Variants in NR2F1 observed in about 807,000 individuals in gnomAD.
NR2F1 encodes the protein nuclear receptor subfamily 2 group F member 1.
NR2F1 carries 1 observed loss-of-function variant against 37.7 expected under a neutral mutation model. That is an observed-to-expected ratio of 0.03 (90% CI 0.01 to 0.13). The LOEUF (loss-of-function observed/expected upper bound fraction) is 0.13. NR2F1 is among the 10% of genes least tolerant of loss of function. NR2F1 has a pLI of 1.00. For synonymous variants in NR2F1, 275 were observed against 259.6 expected, an observed-to-expected ratio of 1.06 and a Z score of -0.57; for missense variants, 268 against 578.4, an observed-to-expected ratio of 0.46 and a Z score of 5.50.
chr5:93,591,098 A>G (rs1409096055), intron 2 of NR2F1, among the ~76,000 whole-genome samples: 1 of 152,242 alleles, frequency 6.6e-6, no homozygotes, highest in African/African-American at 2.4e-5. Flanking sequence ...CATTCTCTGC[A>G]CTACAAAGGC....
Position 93,584,993 on chromosome 5 carries a change from G to A in NR2F1, c.-31G>A, listed in dbSNP as rs1277501130. On this transcript the variant is annotated 5_prime_UTR_variant, in exon 1 of 3. Coordinates refer to ENST00000327111, the MANE Select transcript of NR2F1 (RefSeq NM_005654.6). Reference sequence around the variant, plus strand: ...CCCGCGGCCCTCGGCGAGCAGCTCGGCTCCCCCCAGCGCTCCCCGGGCCCA... The same window carrying A: ...CCCGCGGCCCTCGGCGAGCAGCTCGACTCCCCCCAGCGCTCCCCGGGCCCA... The A allele has an allele frequency of 2.0e-6, 2 of 983,442 alleles. No individual in the cohort carries two copies. The highest frequency in any genetic ancestry group is 2.4e-6 in the Non-Finnish European group (2 of 827,958). The allele number at this position is 983,442 out of a possible 1,614,324, so 60.9% of individuals were successfully genotyped here.
Position 93,588,437 on chromosome 5 carries a change from C to G in NR2F1, c.984C>G (p.Phe328Leu), listed in dbSNP as rs1011650228. 1 of 1,598,216 alleles carries G rather than the reference C, an allele frequency of 6.3e-7. No homozygotes were observed. Among genetic ancestry groups the G allele is most frequent in the Non-Finnish European group, 8.6e-7 (1 of 1,169,334 alleles). ...EYSCLKAIVL[F>L]TSDACGLSDA... Reference sequence around the variant, plus strand: ...GCTGCCTCAAAGCCATCGTGCTGTTCACGTCAGGTGAGGCTGCGGTCGCGG... The same window carrying G: ...GCTGCCTCAAAGCCATCGTGCTGTTGACGTCAGGTGAGGCTGCGGTCGCGG... Residue 328 changes from phenylalanine to leucine, a missense_variant, in exon 2 of 3, where the codon TTC becomes TTG. This residue lies in a region of NR2F1 where 99 missense variants were observed against 191.9 expected (regional missense o/e 0.52). Transcript: ENST00000327111.
rs1289479014 is a variant in NR2F1 at position 93,594,257 on chromosome 5, G to A, written c.*415G>A. On this transcript the variant is annotated 3_prime_UTR_variant, in exon 3 of 3. Transcript: ENST00000327111. ...ACAACACATATGGAAGTGGACTGAAGCCTATGTAGAAACACACACACACTG... is the reference window on the plus strand; with the variant it reads ...ACAACACATATGGAAGTGGACTGAAACCTATGTAGAAACACACACACACTG... The A allele has an allele frequency of 6.1e-6, 1 of 163,704 alleles. No individual in the cohort carries two copies. 10.1% of individuals were successfully genotyped at this position (163,704 alleles called of 1,614,324 possible).
In NR2F1 at chr5:93,593,559, C is replaced by A; in HGVS notation, c.992-3C>A. On this transcript the variant is annotated splice_region_variant and splice_polypyrimidine_tract_variant and intron_variant, in intron 2 of 2. Transcript: ENST00000327111. This position sits in a 1 kb window ranked among gnomAD's most constrained non-coding sequence, Gnocchi z 5.6. ...TCTCTCCCTCCTGTGGCTGCTTGGGCAGACGCCTGTGGCCTGTCGGATGCG... is the reference window on the plus strand; with the variant it reads ...TCTCTCCCTCCTGTGGCTGCTTGGGAAGACGCCTGTGGCCTGTCGGATGCG... The A allele has an allele frequency of 1.2e-6, 2 of 1,610,132 alleles. No homozygotes were observed. The highest frequency in any genetic ancestry group is 1.7e-6 in the Non-Finnish European group (2 of 1,176,996).
intron 2 of NR2F1, among the ~76,000 whole-genome samples, chr5:93,589,155 G>A (rs1460829168): frequency 6.6e-6 from 1 of 152,178 alleles, no homozygotes; most frequent in Non-Finnish European, 1.5e-5. Context: ...CCGCAAGTAT[G>A]GGAGGATTCC....
Position 93,588,254 on chromosome 5 carries a change from C to T in NR2F1, c.801C>T (p.Cys267=), listed in dbSNP as rs1331078890. 6.2e-7 allele frequency: 1 copy of T among 1,613,702 alleles called. No individual in the cohort carries two copies. The highest frequency in any genetic ancestry group is 1.7e-5 in the Admixed American group (1 of 60,024). Residue 267 remains cysteine (C), a synonymous_variant, in exon 2 of 3, where the codon TGC becomes TGT. Transcript: ENST00000327111. ...TGTTCGTGCTCAACGCGGCCCAGTG[C>T]TCTATGCCGCTGCACGTGGCGCCGT... ...SELFVLNAAQ[C]SMPLHVAPLL...
rs1217331146 is a variant in NR2F1, at chr5:93,583,494, A to C, written c.-1530A>C. On this transcript the variant is annotated 5_prime_UTR_variant, in exon 1 of 3. Coordinates refer to ENST00000327111, the MANE Select transcript of NR2F1 (RefSeq NM_005654.6). ...CCCTCCTCCTTGTCTCTTTTACTCC[A>C]TTCCTGCAGAAGAGAGAGGGCTAAA... The C allele has an allele frequency of 6.7e-6, 1 of 149,990 alleles. No individual in the cohort carries two copies. Among genetic ancestry groups the C allele is most frequent in the Non-Finnish European group, 1.5e-5 (1 of 67,572 alleles). 9.3% of individuals were successfully genotyped at this position (149,990 alleles called of 1,614,324 possible). A position where few individuals can be genotyped will look rare whatever the true frequency, so the allele number is the denominator to read the frequency against.
chr5:93,585,706 G>T, intron 1 of NR2F1: 1 of 502,074 alleles, frequency 2.0e-6, no homozygotes, highest in South Asian at 2.2e-5. Context: ...TCATCTCCCC[G>T]GCTCCCCCAC....
intron 1 of NR2F1, 151 bp from the exon 2 acceptor site, chr5:93,587,766 G>T (rs1753257506): frequency 2.6e-6 from 2 of 761,902 alleles, no homozygotes; most frequent in East Asian, 5.4e-5. Context: ...TCTCCTAGCG[G>T]TGTGGACTGT....
intron 2 of NR2F1, chr5:93,592,314 C>A (rs1753344290): frequency 6.6e-6 from 1 of 152,016 alleles, no homozygotes; most frequent in African/African-American, 2.4e-5. Flanking sequence ...GCAAATTCTG[C>A]CTTTGATCTC....
In NR2F1 at chr5:93,585,134, C is replaced by T. The variant is rs1183108440; in HGVS notation, c.111C>T (p.Ala37=). ...CGGCCCGCGGCGGCGGCGGCGGCGC[C>T]GGCGAGCAGCAGCAGCAGGCGGGCT... The part of the protein sequence containing the change: ...AQAARGGGGG[A]GEQQQQAGSG... The change falls in exon 1 of 3, where the codon GCC becomes GCT. Residue 37 remains alanine, a synonymous_variant. Transcript: ENST00000327111. The T allele has an allele frequency of 1.1e-5, 12 of 1,047,728 alleles. No individual in the cohort carries two copies. The highest frequency in any genetic ancestry group is 1.4e-5 in the Non-Finnish European group (12 of 871,454). The allele number at this position is 1,047,728 out of a possible 1,614,324, so 64.9% of individuals were successfully genotyped here.
At position 93,588,104 on chromosome 5, in the gene NR2F1, G is replaced by C; in HGVS notation, c.651G>C (p.Glu217Asp). The C allele has an allele frequency of 6.2e-7, 1 of 1,614,196 alleles. No homozygotes were observed. Among genetic ancestry groups the C allele is most frequent in the Non-Finnish European group, 8.5e-7 (1 of 1,180,030 alleles). Residue 217 changes from glutamate to aspartate, a missense_variant, in exon 2 of 3, where the codon GAG becomes GAC. Coordinates refer to ENST00000327111, the MANE Select transcript of NR2F1 (RefSeq NM_005654.6). Reference protein sequence around the residue: ...CMQPNNIMGIENICELAARLL... With the variant: ...CMQPNNIMGIDNICELAARLL... The stretch of plus-strand genomic sequence containing the variant: ...AGCCCAACAACATTATGGGCATCGA[G>C]AACATCTGCGAGCTGGCCGCGCGCC...
rs374555920 is a variant in NR2F1, at chr5:93,593,518, G to A, written c.992-44G>A. 9 of 1,585,826 alleles carry A rather than the reference G, an allele frequency of 5.7e-6. No homozygotes were observed. The highest frequency in any genetic ancestry group is 1.1e-5 in the South Asian group (1 of 89,286). Reference sequence around the variant, plus strand: ...CTTTGCTATTTGTCAGCCTAACCGTGTGCTCCCTTTCCCTGTCTCTCCCTC... The same window carrying A: ...CTTTGCTATTTGTCAGCCTAACCGTATGCTCCCTTTCCCTGTCTCTCCCTC... On this transcript the variant is annotated intron_variant, in intron 2 of 2. Coordinates refer to ENST00000327111, the MANE Select transcript of NR2F1 (RefSeq NM_005654.6). The surrounding 1 kb of genome is among the most constrained non-coding windows in gnomAD (Gnocchi z 5.6).
chr5:93,588,050 C>G lies in NR2F1; in HGVS notation c.597C>G (p.Pro199=). Residue 199 remains proline, a synonymous_variant, in exon 2 of 3, where the codon CCC becomes CCG. Transcript: ENST00000327111. ...ISLLLRAEPY[P]TSRYGSQCMQ... ...TGCTGCTGCGCGCCGAGCCCTACCC[C>G]ACGTCGCGCTACGGCAGCCAGTGCA... 6.2e-7 allele frequency: 1 copy of G among 1,614,110 alleles called. No individual in the cohort carries two copies. The highest frequency in any genetic ancestry group is 8.5e-7 in the Non-Finnish European group (1 of 1,180,012).
At chr5:93,590,011 C>T (rs1753304047) in intron 2 of NR2F1, among the ~76,000 whole-genome samples, 1 of 152,208 alleles carries the variant, frequency 6.6e-6, no homozygotes, top group Non-Finnish European at 1.5e-5. Flanking sequence ...GGAATAGCCT[C>T]CTCCGTATTT....
Position 93,593,282 on chromosome 5 carries a change from G to A in NR2F1, c.992-280G>A, listed in dbSNP as rs1252452913. On this transcript the variant is annotated intron_variant, in intron 2 of 2. Coordinates refer to ENST00000327111, the MANE Select transcript of NR2F1 (RefSeq NM_005654.6). The surrounding 1 kb of genome is among the most constrained non-coding windows in gnomAD (Gnocchi z 5.6). ...AGAGGAAAAACAAAGGGACTAGAGAGGTTTCTGCCTCTGCATGTGTGTGCC... is the reference window on the plus strand; with the variant it reads ...AGAGGAAAAACAAAGGGACTAGAGAAGTTTCTGCCTCTGCATGTGTGTGCC... 6.6e-6 allele frequency among the ~76,000 whole-genome samples: 1 copy of A among 152,054 alleles called. No individual in the cohort carries two copies. The highest frequency in any genetic ancestry group is 1.5e-5 in the Non-Finnish European group (1 of 68,022).
chr5:93,594,067 G>T lies in NR2F1; in HGVS notation c.*225G>T. 2.3e-6 allele frequency: 1 copy of T among 436,640 alleles called. No individual in the cohort carries two copies. Among genetic ancestry groups the T allele is most frequent in the East Asian group, 3.5e-5 (1 of 28,262 alleles). 27.0% of individuals were successfully genotyped at this position (436,640 alleles called of 1,614,324 possible). On this transcript the variant is annotated 3_prime_UTR_variant, in exon 3 of 3. Coordinates refer to ENST00000327111, the MANE Select transcript of NR2F1 (RefSeq NM_005654.6). ...TAGGATCAGATCTGTGAGCACGTTGGCGAGGAAAAACAAAACAAACAAAAA... is the reference window on the plus strand; with the variant it reads ...TAGGATCAGATCTGTGAGCACGTTGTCGAGGAAAAACAAAACAAACAAAAA...
rs987945623 is a variant in NR2F1 at position 93,593,887 on chromosome 5, G to T, written c.*45G>T. 9 of 1,579,112 alleles carry T rather than the reference G, an allele frequency of 5.7e-6. No homozygotes were observed. The highest frequency in any genetic ancestry group is 2.7e-5 in the African/African-American group (2 of 74,356). On this transcript the variant is annotated 3_prime_UTR_variant, in exon 3 of 3. Coordinates refer to ENST00000327111, the MANE Select transcript of NR2F1 (RefSeq NM_005654.6). This position sits in a 1 kb window ranked among gnomAD's most constrained non-coding sequence, Gnocchi z 5.6. The stretch of plus-strand genomic sequence containing the variant: ...TGCCCCGTCCCCCTAGAGACTCAGA[G>T]GACCCACCTGGGCCAAGGACTCCAA...
At position 93,594,063 on chromosome 5, in the gene NR2F1, G is replaced by A. The variant is rs746257919; in HGVS notation, c.*221G>A. On this transcript the variant is annotated 3_prime_UTR_variant, in exon 3 of 3. Transcript: ENST00000327111. ...CTTTTAGGATCAGATCTGTGAGCAC[G>A]TTGGCGAGGAAAAACAAAACAAACA... 3.4e-5 allele frequency: 15 copies of A among 439,848 alleles called. No homozygotes were observed. The highest frequency in any genetic ancestry group is 5.5e-5 in the Non-Finnish European group (14 of 252,328). The allele number at this position is 439,848 out of a possible 1,614,324, so 27.2% of individuals were successfully genotyped here.
Sources: allele counts gnomAD v4.1 joint callset (sites outside exome capture counted in the v4.1 genomes callset), GRCh38; gene constraint gnomAD v4.1.1; regional missense constraint gnomAD v4.1.1; non-coding constraint Gnocchi (gnomAD v3.1); transcripts MANE v1.5; gene names NCBI Gene and HGNC (gene_info 2026-07-23, HGNC 2026-07-21).